Variants in PTK2B observed in about 807,000 individuals in gnomAD.
The protein encoded by PTK2B is protein-tyrosine kinase 2-beta.
PTK2B carries 71 observed loss-of-function variants against 142.9 expected under a neutral mutation model. The ratio of observed to expected loss-of-function variants is 0.50; its 90% CI spans 0.41 to 0.61. PTK2B has a LOEUF of 0.61. Among genes scored for constraint, PTK2B ranks in the 20% least tolerant of loss-of-function variants. The probability of loss-of-function intolerance (pLI) is 0.00; values close to 1 mark genes in which losing one functional copy is unlikely to be tolerated. For synonymous variants in PTK2B, 519 were observed against 503.4 expected (o/e 1.03, Z -0.42); for missense variants, 1,105 against 1,320.4 (o/e 0.84, Z 2.53).
chr8:27,435,168 G>A (rs1279668034), intron 13 of PTK2B, among the ~76,000 whole-genome samples: 1 of 152,232 alleles, frequency 6.6e-6, no homozygotes, highest in Non-Finnish European at 1.5e-5. Context: ...GGTGCTGGCT[G>A]AGTCTGCATC....
chr8:27,314,006 G>C (rs1217992135), intron 3 of PTK2B, among the ~76,000 whole-genome samples: 1 of 152,158 alleles, frequency 6.6e-6, no homozygotes, highest in Non-Finnish European at 1.5e-5. Flanking sequence ...GAGGGGATTG[G>C]GGAGGGTAGA....
intron 22 of PTK2B, among the ~76,000 whole-genome samples, chr8:27,443,634 A>G (rs566277312): frequency 2.0e-5 from 3 of 152,146 alleles, no homozygotes; most frequent in African/African-American, 7.2e-5. Flanking sequence ...CATCCTCATA[A>G]CCTCATCTAA....
intron 5 of PTK2B, among the ~76,000 whole-genome samples, chr8:27,422,627 T>C (rs576761391): frequency 5.9e-5 from 9 of 152,338 alleles, no homozygotes; most frequent in Non-Finnish European, 1.3e-4. Context: ...CCACTGCTCT[T>C]GCCTGCAGGC....
intron 5 of PTK2B, among the ~76,000 whole-genome samples, chr8:27,429,805 A>C (rs891473793): frequency 2.0e-5 from 3 of 152,194 alleles, no homozygotes. Flanking sequence ...CTTTGTTCTT[A>C]GAGGCCACAG....
At chr8:27,435,911 G>T in intron 14 of PTK2B, 118 bp downstream of exon 14, 1 of 1,320,390 alleles carries the variant, frequency 7.6e-7, no homozygotes, top group South Asian at 1.2e-5. Flanking sequence ...CTTCGTGCTA[G>T]ACTTAGACAG....
chr8:27,421,833 G>A (rs2131854403), intron 4 of PTK2B, among the ~76,000 whole-genome samples: 1 of 152,344 alleles, frequency 6.6e-6, no homozygotes, highest in Admixed American at 6.5e-5. Flanking sequence ...ACCAGGTGCA[G>A]AGCAAAGCGC....
chr8:27,353,610 A>G (rs7817464), intron 1 of PTK2B, among the ~76,000 whole-genome samples: 8,200 of 152,202 alleles, frequency 0.054, 295 homozygotes, highest in Non-Finnish European at 0.09. Flanking sequence ...CCCTGTATCT[A>G]CCTAGTAATG....
chr8:27,432,858 ACTCTGTC>A, intron 10 of PTK2B, among the ~76,000 whole-genome samples: 1 of 151,308 alleles, frequency 6.6e-6, no homozygotes, highest in Non-Finnish European at 1.5e-5. Context: ...ACAAAGTCTC[ACTCTGTC>A]ACCCAGGCTA....
At chr8:27,446,286 C>A (rs1312736113) in intron 24 of PTK2B, among the ~76,000 whole-genome samples, 1 of 152,188 alleles carries the variant, frequency 6.6e-6, no homozygotes, top group East Asian at 1.9e-4. Context: ...TGGAGAGTAT[C>A]CTTCCTAAAT....
At chr8:27,338,544 G>C (rs899060543) in intron 1 of PTK2B, among the ~76,000 whole-genome samples, 2 of 152,022 alleles carry the variant, frequency 1.3e-5, no homozygotes, top group African/African-American at 4.8e-5. Flanking sequence ...CCTATGGAAA[G>C]AAAGAAAGAA....
chr8:27,329,558 C>T (rs1236098194), intron 1 of PTK2B, among the ~76,000 whole-genome samples: 1 of 152,150 alleles, frequency 6.6e-6, no homozygotes, highest in Non-Finnish European at 1.5e-5. Flanking sequence ...CCTGGCCTCC[C>T]AGGTAAATGG....
chr8:27,458,514 G>T lies in PTK2B; in HGVS notation c.*5G>T, dbSNP rs1265284249. 6.4e-7 allele frequency: 1 copy of T among 1,560,010 alleles called. No homozygotes were observed. The highest frequency in any genetic ancestry group is 8.7e-7 in the Non-Finnish European group (1 of 1,153,096). On this transcript the variant is annotated 3_prime_UTR_variant, in exon 31 of 31. Transcript: ENST00000346049. ...GCCCACCCACCTGCAGAGTGACGGA[G>T]GGTGGGGGCCACCTGCCTGCGTCTT...
rs1355396619 is a variant in PTK2B, at chr8:27,458,291, C to T, written c.2815-3C>T. 2 of 1,613,396 alleles carry T rather than the reference C, an allele frequency of 1.2e-6. No homozygotes were observed. The highest frequency in any genetic ancestry group is 3.3e-5 in the Admixed American group (2 of 59,976). On this transcript the variant is annotated splice_polypyrimidine_tract_variant and splice_region_variant and intron_variant, in intron 30 of 30. Coordinates refer to ENST00000346049, the MANE Select transcript of PTK2B (RefSeq NM_173176.3). ...CAACCTGTCCTGTGTGATCTTCCTA[C>T]AGATCGAGGGCACCCAGAAACTGCT...
intron 7 of PTK2B, among the ~76,000 whole-genome samples, 194 bp downstream of exon 7, chr8:27,430,612 C>T (rs572730096): frequency 1.1e-3 from 166 of 152,276 alleles, no homozygotes; most frequent in African/African-American, 3.9e-3. Flanking sequence ...GCCTGGGCTC[C>T]GGCTCCGTAT....
chr8:27,322,962 A>G (rs996623740), upstream of PTK2B: 4 of 152,276 alleles, frequency 2.6e-5, no homozygotes, highest in African/African-American at 9.6e-5. Flanking sequence ...GCTCCTGGTA[A>G]GAGCTTCACT....
chr8:27,381,288 C>G (rs1445435212), intron 1 of PTK2B, among the ~76,000 whole-genome samples: 1 of 152,192 alleles, frequency 6.6e-6, no homozygotes, highest in Non-Finnish European at 1.5e-5. Flanking sequence ...ACTTAGTCCT[C>G]CTATCTAGCT....
rs770347314 is a variant in PTK2B, at chr8:27,454,259, C to G, written c.2701C>G (p.Leu901Val). Residue 901 changes from leucine (L) to valine (V), a missense_variant, in exon 29 of 31, where the codon CTG (leucine) becomes GTG (valine). Physicochemically the swap from Leu to Val is conservative, Grantham distance 32. Transcript: ENST00000346049. ...GGAGCTCAAGAATGAGCTCTGTCAG[C>G]TGCCCCCCGAGGGCTACGTGGTGGT... ...VLELKNELCQ[L>V]PPEGYVVVVK... is the part of the protein sequence containing the mutation. 3.1e-6 allele frequency: 5 copies of G among 1,613,930 alleles called. No homozygotes were observed. The African/African-American group carries it at 5.3e-5, about 17-fold the overall frequency.
In PTK2B at chr8:27,397,759, G is replaced by A. The variant is rs779360852; in HGVS notation, c.175G>A (p.Val59Ile). Residue 59 changes from valine to isoleucine, a missense_variant, in exon 2 of 31, where the codon GTC (valine) becomes ATC (isoleucine). Physicochemically the swap from Val to Ile is conservative, Grantham distance 29. Coordinates refer to ENST00000346049, the MANE Select transcript of PTK2B (RefSeq NM_173176.3). ...CAATCCTGGGAAAAACTTCAAACTG[G>A]TCAAATGCACTGTCCAGACGGAGAT... ...SFNPGKNFKL[V>I]KCTVQTEIRE... is the part of the protein sequence containing the mutation. The A allele has an allele frequency of 1.2e-6, 2 of 1,614,236 alleles. No individual in the cohort carries two copies. The highest frequency in any genetic ancestry group is 2.2e-5 in the South Asian group (2 of 91,088).
At chr8:27,454,503 C>T (rs374554802) in intron 29 of PTK2B, 28 bp from the exon 30 acceptor site, 58 of 1,607,298 alleles carry the variant, frequency 3.6e-5, no homozygotes, top group East Asian at 1.1e-4. Context: ...CTAGGAGTGG[C>T]GGCCATCCTG....
Sources: gnomAD v4.1 joint callset for allele counts (sites outside exome capture counted in the v4.1 genomes callset) on GRCh38, gnomAD v4.1.1 for gene constraint, MANE v1.5 for transcripts, NCBI Gene and HGNC (gene_info 2026-07-23, HGNC 2026-07-21) for gene names.